USF3: variants seen among roughly 807,000 people sequenced by gnomAD.
USF3 encodes the protein basic helix-loop-helix domain-containing protein USF3.
Under a neutral mutation model 157.5 loss-of-function variants are expected in USF3, and 29 were observed. That is an observed-to-expected ratio of 0.18 (90% CI 0.14 to 0.25). The LOEUF is 0.25. Ranked by LOEUF, USF3 falls within the 10% of genes least tolerant of loss-of-function variation. USF3 has a pLI of 1.00. For synonymous variants in USF3, 893 were observed against 941.4 expected, an observed-to-expected ratio of 0.95 and a Z score of 0.94; for missense variants, 2,381 against 2,667.6, an observed-to-expected ratio of 0.89 and a Z score of 2.37.
In USF3 at chr3:113,655,692, C is replaced by A; in HGVS notation, c.5990G>T (p.Arg1997Leu). ...GSKIRQPERN[R>L]SGNQRQSTVF... ...AGTACTTTGCCTTTGGTTTCCAGAA[C>A]GATTCCTTTCAGGCTGACGAATTTT... is the stretch of plus-strand genomic sequence containing the variant. The change falls in exon 7 of 7, where the codon CGT (arginine) becomes CTT (leucine). Residue 1997 changes from arginine to leucine, a missense_variant. Arg to Leu is a moderately radical substitution (Grantham distance 102, BLOSUM62 -2). Coordinates refer to ENST00000316407, the MANE Select transcript of USF3 (RefSeq NM_001009899.4). 6.2e-7 allele frequency: 1 copy of A among 1,613,896 alleles called. No homozygotes were observed. The highest frequency in any genetic ancestry group is 8.5e-7 in the Non-Finnish European group (1 of 1,179,884).
At chr3:113,674,927 G>C (rs184777388) in intron 2 of USF3, 31 bp from the exon 3 acceptor site, 1 of 1,403,820 alleles carries the variant, frequency 7.1e-7, no homozygotes, top group East Asian at 2.3e-5. Context: ...ACACCAGAAA[G>C]CTTAGTCATT....
chr3:113,696,163 G>A (rs1439761643), intron 1 of USF3, among the ~76,000 whole-genome samples: 7 of 152,222 alleles, frequency 4.6e-5, no homozygotes, highest in Admixed American at 1.3e-4. Flanking sequence ...GAGATGAGGG[G>A]TGCGCTCGCC....
chr3:113,652,091 G>C lies in USF3; in HGVS notation c.*2853C>G, dbSNP rs950158800. ...CAGAACTTAACAGCCACTGGAGAGA[G>C]AGAGAGAGAGAGAGAGAGTGTGTGT... On this transcript the variant is annotated 3_prime_UTR_variant, in exon 7 of 7. Transcript: ENST00000316407. The C allele has an allele frequency of 5.6e-5, 7 of 125,112 alleles. No homozygotes were observed. The highest frequency in any genetic ancestry group is 1.2e-4 in the Non-Finnish European group (7 of 56,816). 7.8% of individuals were successfully genotyped at this position (125,112 alleles called of 1,614,324 possible).
intron 1 of USF3, among the ~76,000 whole-genome samples, chr3:113,678,441 T>A (rs1036854161): frequency 1.3e-5 from 2 of 152,058 alleles, no homozygotes; most frequent in Non-Finnish European, 2.9e-5. Context: ...TGCACTCAGG[T>A]GAAAGCCAGG....
chr3:113,657,417 G>C lies in USF3; in HGVS notation c.4265C>G (p.Ser1422Cys). The change falls in exon 7 of 7, where the codon TCT becomes TGT. Residue 1422 changes from serine to cysteine, a missense_variant. This residue lies in a region of USF3 where 1,435 missense variants were observed against 1,550.9 expected (regional missense o/e 0.93). Transcript: ENST00000316407. ...ALRQTEVQCG[S>C]QPSVAEQQQT... ...CTGCTGTTCAGCAACTGAAGGCTGA[G>C]AACCACACTGAACTTCAGTTTGCCT... The C allele has an allele frequency of 6.2e-7, 1 of 1,614,122 alleles. No individual in the cohort carries two copies. The highest frequency in any genetic ancestry group is 1.1e-5 in the South Asian group (1 of 91,074).
At chr3:113,665,597 C>A (rs749590177) in intron 5 of USF3, among the ~76,000 whole-genome samples, 2 of 151,268 alleles carry the variant, frequency 1.3e-5, no homozygotes, top group South Asian at 4.2e-4. Context: ...GAGGCCGAGG[C>A]GGGCAGACAC....
chr3:113,658,646 A>G lies in USF3; in HGVS notation c.3036T>C (p.Ala1012=). ...QGLTTLLSDL[A]KKKNPQKSSL... is the part of the protein sequence containing the mutation. ...ATGATTTCTGAGGGTTTTTTTTTTTAGCAAGATCAGATAGCAATGTAGTTA... is the reference window on the plus strand; with the variant it reads ...ATGATTTCTGAGGGTTTTTTTTTTTGGCAAGATCAGATAGCAATGTAGTTA... Residue 1012 remains alanine, a synonymous_variant, in exon 7 of 7, where the codon GCT becomes GCC. Transcript: ENST00000316407. The G allele has an allele frequency of 6.2e-7, 1 of 1,610,774 alleles. No homozygotes were observed. Among genetic ancestry groups the G allele is most frequent in the Non-Finnish European group, 8.5e-7 (1 of 1,178,394 alleles).
At chr3:113,686,611 G>A (rs2107959376) in intron 1 of USF3, among the ~76,000 whole-genome samples, 1 of 152,116 alleles carries the variant, frequency 6.6e-6, no homozygotes, top group East Asian at 1.9e-4. Context: ...GTTCTTATGT[G>A]GATAGTAGTT....
chr3:113,669,945 A>C (rs1385449722), intron 5 of USF3, among the ~76,000 whole-genome samples, 176 bp downstream of exon 5: 3 of 152,218 alleles, frequency 2.0e-5, no homozygotes, highest in South Asian at 2.1e-4. Flanking sequence ...ACCATGAAGA[A>C]ACTGTACTAA....
At position 113,659,730 on chromosome 3, in the gene USF3, G is replaced by A. The variant is rs1553698751; in HGVS notation, c.1952C>T (p.Thr651Ile). The stretch of plus-strand genomic sequence containing the variant: ...TTGGTTTGACATGGTAACAGAAAAA[G>A]TTTGTGTTGAGTTAGACGCTGATAA... ...SSLSASNSTQ[T>I]FSVTMSNQQP... is the part of the protein sequence containing the mutation. The change falls in exon 7 of 7, where the codon ACT becomes ATT. Residue 651 changes from threonine to isoleucine, a missense_variant. By Grantham distance (89) the Thr-to-Ile change is moderately conservative. Transcript: ENST00000316407. 6.2e-7 allele frequency: 1 copy of A among 1,614,260 alleles called. No individual in the cohort carries two copies. The highest frequency in any genetic ancestry group is 2.2e-5 in the East Asian group (1 of 44,888).
chr3:113,679,586 G>T (rs993242158), intron 1 of USF3, among the ~76,000 whole-genome samples: 2 of 151,814 alleles, frequency 1.3e-5, no homozygotes, highest in African/African-American at 4.8e-5. Context: ...GCTAATTTTT[G>T]TATTTTTAGT....
Position 113,674,905 on chromosome 3 carries a change from G to T in USF3, c.-18-9C>A, listed in dbSNP as rs1191036328. ...GTTACAGTAATAGGAACCTACAGAA[G>T]GATAGAAAGACACACCAGAAAGCTT... On this transcript the variant is annotated splice_polypyrimidine_tract_variant and intron_variant, in intron 2 of 6. Coordinates refer to ENST00000316407, the MANE Select transcript of USF3 (RefSeq NM_001009899.4). 6.3e-7 allele frequency: 1 copy of T among 1,576,198 alleles called. No individual in the cohort carries two copies. Among genetic ancestry groups the T allele is most frequent in the Non-Finnish European group, 8.7e-7 (1 of 1,145,772 alleles).
intron 3 of USF3, 32 bp from the exon 4 acceptor site, chr3:113,673,408 T>C (rs766294490): frequency 2.2e-6 from 3 of 1,374,690 alleles, no homozygotes; most frequent in Middle Eastern, 1.8e-4. Flanking sequence ...AAAGGTAACA[T>C]GAAAATAATG....
rs1204425092 is a variant in USF3, at chr3:113,660,668, T to C, written c.1014A>G (p.Ser338=). The part of the protein sequence containing the change: ...RGDFQNTFVV[S]VTTTVCSQPP... ...GCTGCGAGCAGACTGTGGTGGTAAC[T>C]GAAACAACAAAAGTGTTTTGAAAAT... Residue 338 remains serine, a synonymous_variant, in exon 7 of 7, where the codon TCA becomes TCG. Coordinates refer to ENST00000316407, the MANE Select transcript of USF3 (RefSeq NM_001009899.4). 6.2e-7 allele frequency: 1 copy of C among 1,614,190 alleles called. No homozygotes were observed.
Position 113,653,043 on chromosome 3 carries a change from GAC to G in USF3, c.*1899_*1900del, listed in dbSNP as rs1947291880. ...CACCTAACGACACTCCAGCCTGGGTGACAGAGTCTCAAAAAAAAAAGAAAAGA... is the reference window on the plus strand; with the variant it reads ...CACCTAACGACACTCCAGCCTGGGTGAGAGTCTCAAAAAAAAAAGAAAAGA... On this transcript the variant is annotated 3_prime_UTR_variant, in exon 7 of 7. Coordinates refer to ENST00000316407, the MANE Select transcript of USF3 (RefSeq NM_001009899.4). 2 of 422,604 alleles carry G rather than the reference GAC, an allele frequency of 4.7e-6. No individual in the cohort carries two copies. Among genetic ancestry groups the G allele is most frequent in the Non-Finnish European group, 7.9e-6 (2 of 254,562 alleles). 26.2% of individuals were successfully genotyped at this position (422,604 alleles called of 1,614,324 possible).
At chr3:113,686,987 A>G (rs528997892) in intron 1 of USF3, among the ~76,000 whole-genome samples, 1 of 152,342 alleles carries the variant, frequency 6.6e-6, no homozygotes, top group African/African-American at 2.4e-5. Flanking sequence ...CAAAGCGAGA[A>G]GAGTTAATCT....
chr3:113,685,463 G>T (rs937830975), intron 1 of USF3, among the ~76,000 whole-genome samples: 2 of 152,124 alleles, frequency 1.3e-5, no homozygotes, highest in Admixed American at 6.6e-5. Flanking sequence ...TGGCCCAGTG[G>T]GGGGTCTAGA....
At position 113,672,040 on chromosome 3, in the gene USF3, G is replaced by C. The variant is rs539536640; in HGVS notation, c.76+1308C>G. On this transcript the variant is annotated intron_variant, in intron 4 of 6. Transcript: ENST00000316407. ...CCTGCCTTGGTCTACCAAAGTGTTA[G>C]AATTACAGGCATGAGCCATCACGCC... Among the ~76,000 whole-genome samples the C allele has an allele frequency of 2.0e-5, 3 of 151,630 alleles. No individual in the cohort carries two copies. The South Asian group carries it at 6.2e-4, about 31-fold the overall frequency.
Position 113,654,797 on chromosome 3 carries a change from T to G in USF3, c.*147A>C. Reference sequence around the variant, plus strand: ...GACAACCCAGTATCTGCATCTGACATGGCTTCCCTACATTCAGAAGATAAC... The same window carrying G: ...GACAACCCAGTATCTGCATCTGACAGGGCTTCCCTACATTCAGAAGATAAC... On this transcript the variant is annotated 3_prime_UTR_variant, in exon 7 of 7. Coordinates refer to ENST00000316407, the MANE Select transcript of USF3 (RefSeq NM_001009899.4). The G allele has an allele frequency of 1.2e-6, 1 of 821,256 alleles. No homozygotes were observed. The highest frequency in any genetic ancestry group is 1.8e-6 in the Non-Finnish European group (1 of 559,178). 50.9% of individuals were successfully genotyped at this position (821,256 alleles called of 1,614,324 possible). A position where few individuals can be genotyped will look rare whatever the true frequency, so the allele number is the denominator to read the frequency against.
Sources: gnomAD v4.1 joint callset for allele counts (sites outside exome capture counted in the v4.1 genomes callset) on GRCh38, gnomAD v4.1.1 for gene constraint, gnomAD v4.1.1 regional missense constraint, MANE v1.5 for transcripts, NCBI Gene and HGNC (gene_info 2026-07-23, HGNC 2026-07-21) for gene names.